The following CUL2 variants were observed in gnomAD, a reference collection of about 807,000 sequenced individuals.
CUL2 encodes cullin 2, also known as cullin-2.
CUL2 carries 22 observed loss-of-function variants against 110.2 expected under a neutral mutation model. The observed-to-expected ratio is 0.20, with a 90% confidence interval of 0.14 to 0.28. CUL2 has a LOEUF of 0.28. Ranked by LOEUF, CUL2 falls within the 10% of genes least tolerant of loss-of-function variation. The pLI, the probability that CUL2 is intolerant of heterozygous loss-of-function variation, is 1.00. For missense variants in CUL2, 631 were observed against 905.5 expected (o/e 0.70, Z 3.89); for synonymous variants, 279 against 293.2 (o/e 0.95, Z 0.49).
rs2085478359 is a variant in CUL2, at chr10:35,031,467, G to A, written c.1299+24C>T. 1 of 1,604,056 alleles carries A rather than the reference G, an allele frequency of 6.2e-7. No homozygotes were observed. Among genetic ancestry groups the A allele is most frequent in the South Asian group, 1.1e-5 (1 of 89,688 alleles). On this transcript the variant is annotated intron_variant, in intron 13 of 20. Coordinates refer to ENST00000374749, the MANE Select transcript of CUL2 (RefSeq NM_003591.4). This position sits in a 1 kb window ranked among gnomAD's most constrained non-coding sequence, Gnocchi z 4.4. ...AAATAAAGTTGACCAAAATACAAATGAAACTTTTCTGTTCACAACATACCT... is the reference window on the plus strand; with the variant it reads ...AAATAAAGTTGACCAAAATACAAATAAAACTTTTCTGTTCACAACATACCT...
chr10:35,036,748 T>C (rs2134749759), intron 9 of CUL2, among the ~76,000 whole-genome samples: 1 of 152,308 alleles, frequency 6.6e-6, no homozygotes, highest in Non-Finnish European at 1.5e-5. Context: ...TAATGGCTTT[T>C]TTTGAGACAG....
chr10:35,117,242 G>A (rs564833710), intron 1 of CUL2, among the ~76,000 whole-genome samples: 40 of 152,272 alleles, frequency 2.6e-4, no homozygotes, highest in African/African-American at 9.4e-4. Context: ...AATTCACGAA[G>A]GCTGGTGTGG....
intron 16 of CUL2, among the ~76,000 whole-genome samples, chr10:35,027,446 T>C (rs896016718): frequency 1.3e-5 from 2 of 152,132 alleles, no homozygotes; most frequent in African/African-American, 4.8e-5. Flanking sequence ...GCCCGGCAAC[T>C]TTAGATACTT....
upstream of CUL2, among the ~76,000 whole-genome samples, chr10:35,091,084 GC>G (rs1248449253): frequency 6.6e-6 from 1 of 152,070 alleles, no homozygotes; most frequent in Admixed American, 6.6e-5. Flanking sequence ...CCTTCACCAA[GC>G]CCCAAGCCTA....
At chr10:35,032,753 G>T (rs1210652004) in intron 11 of CUL2, among the ~76,000 whole-genome samples, 1 of 151,448 alleles carries the variant, frequency 6.6e-6, no homozygotes, top group Non-Finnish European at 1.5e-5. Flanking sequence ...ATAAAATAAC[G>T]TTACTTAAAA....
intron 2 of CUL2, among the ~76,000 whole-genome samples, chr10:35,070,223 C>A (rs1184551832): frequency 5.3e-5 from 8 of 152,136 alleles, no homozygotes; most frequent in Admixed American, 5.2e-4. Flanking sequence ...TTGAAGCCTT[C>A]CAAAATGTCA....
chr10:35,021,854 GGTGAGGTGGGGTGGGGTGA>G, intron 17 of CUL2, among the ~76,000 whole-genome samples: 3 of 135,580 alleles, frequency 2.2e-5, no homozygotes, highest in Admixed American at 7.6e-5. Context: ...GGTGAGGTGA[GGTGAGGTGGGGTGGGGTGA>G]GGTGGGGTGA....
intron 1 of CUL2, among the ~76,000 whole-genome samples, chr10:35,080,481 T>TTTATTTA (rs1564744669): frequency 8.0e-6 from 1 of 125,034 alleles, no homozygotes; most frequent in African/African-American, 3.3e-5. Context: ...TTATTTATTT[T>TTTATTTA]TGAGACAGGG....
upstream of CUL2, chr10:35,126,651 G>A (rs914767464): frequency 2.0e-5 from 3 of 152,576 alleles, no homozygotes; most frequent in African/African-American, 7.2e-5. Context: ...TGGCTGACAA[G>A]TCATTGGATT....
rs1475023905 is a variant in CUL2, at chr10:35,031,569, T to C, written c.1221A>G (p.Thr407=). Residue 407 remains threonine, a synonymous_variant, in exon 13 of 21, where the codon ACA becomes ACG. Coordinates refer to ENST00000374749, the MANE Select transcript of CUL2 (RefSeq NM_003591.4). This position sits in a 1 kb window ranked among gnomAD's most constrained non-coding sequence, Gnocchi z 4.4. ...NLLKKSAKGM[T]ENEVEDRLTS... is the part of the protein sequence containing the mutation. ...TGAGCCTGTCTTCCACTTCATTCTC[T>C]GTCATCCCTTTCGCTGACTTCTTCA... 1 of 1,614,012 alleles carries C rather than the reference T, an allele frequency of 6.2e-7. No homozygotes were observed. The highest frequency in any genetic ancestry group is 2.2e-5 in the East Asian group (1 of 44,898).
At chr10:35,060,062 C>T (rs915450459) in intron 4 of CUL2, among the ~76,000 whole-genome samples, 1 of 152,114 alleles carries the variant, frequency 6.6e-6, no homozygotes, top group Non-Finnish European at 1.5e-5. Context: ...GAGTTCAAGA[C>T]CATCCTGGGC....
chr10:35,024,110 CA>C (rs1468466519), intron 17 of CUL2, among the ~76,000 whole-genome samples: 13 of 152,280 alleles, frequency 8.5e-5, no homozygotes, highest in African/African-American at 2.9e-4. Flanking sequence ...GCTGGGGTTA[CA>C]GGTGTGAGCC....
At position 35,044,774 on chromosome 10, in the gene CUL2, T is replaced by C; in HGVS notation, c.601A>G (p.Lys201Glu). ...TGTTTTTAAAGGAGGCTGTTTACCT[T>C]TAAGGGGAATTTTTTCTTATACTGT... is the stretch of plus-strand genomic sequence containing the variant. ...VEQYKKKFPL[K>E]FYQEIFESPF... The change falls in exon 7 of 21, where the codon AAG (lysine) becomes GAG (glutamate). Residue 201 changes from lysine (K) to glutamate (E), a missense_variant and splice_region_variant. Lys to Glu is a moderately conservative substitution (Grantham distance 56, BLOSUM62 1). Around this residue, in one of 3 missense-constraint regions of CUL2, gnomAD observed 338 missense variants for 442.5 expected, o/e 0.76. Coordinates refer to ENST00000374749, the MANE Select transcript of CUL2 (RefSeq NM_003591.4). 6.2e-7 allele frequency: 1 copy of C among 1,608,736 alleles called. No homozygotes were observed.
intron 16 of CUL2, among the ~76,000 whole-genome samples, chr10:35,026,010 C>G (rs2085328588): frequency 6.6e-6 from 1 of 152,196 alleles, no homozygotes; most frequent in South Asian, 2.1e-4. Flanking sequence ...TCACATAAAG[C>G]AGTCAGCAAT....
At chr10:35,069,139 T>C (rs1164661223) in intron 2 of CUL2, among the ~76,000 whole-genome samples, 1 of 152,138 alleles carries the variant, frequency 6.6e-6, no homozygotes. Flanking sequence ...ACTGCTTGAA[T>C]TGTAGGCGTG....
chr10:35,054,387 G>T, intron 5 of CUL2, 47 bp downstream of exon 5: 1 of 1,024,982 alleles, frequency 9.8e-7, no homozygotes, highest in Non-Finnish European at 1.5e-6. Flanking sequence ...TTACCTCAGT[G>T]TATAAAAACA....
rs1328815422 is a variant in CUL2 at position 35,008,594 on chromosome 10, G to A, written c.*1717C>T. On this transcript the variant is annotated 3_prime_UTR_variant, in exon 21 of 21. Transcript: ENST00000374749. The stretch of plus-strand genomic sequence containing the variant: ...ATCAATCAACAAGTTATCAAAACAA[G>A]GGTTTGCTTTTTGACAGTGAATGTA... 1 of 152,150 alleles carries A rather than the reference G, an allele frequency of 6.6e-6. No individual in the cohort carries two copies. The highest frequency in any genetic ancestry group is 1.5e-5 in the Non-Finnish European group (1 of 68,020). 9.4% of individuals were successfully genotyped at this position (152,150 alleles called of 1,614,324 possible).
At chr10:35,114,558 T>G (rs1490027335) in intron 1 of CUL2, among the ~76,000 whole-genome samples, 1 of 151,600 alleles carries the variant, frequency 6.6e-6, no homozygotes, top group African/African-American at 2.4e-5. Context: ...AATTTTTGTA[T>G]TTTTAGTAGA....
At chr10:35,086,047 A>G (rs948305479) in intron 1 of CUL2, among the ~76,000 whole-genome samples, 2 of 152,108 alleles carry the variant, frequency 1.3e-5, no homozygotes, top group African/African-American at 2.4e-5. Context: ...CAGCCTGGCC[A>G]ACATAGTGAA....
Sources: allele counts gnomAD v4.1 joint callset (sites outside exome capture counted in the v4.1 genomes callset), GRCh38; gene constraint gnomAD v4.1.1; regional missense constraint gnomAD v4.1.1; non-coding constraint Gnocchi (gnomAD v3.1); transcripts MANE v1.5; gene names NCBI Gene and HGNC (gene_info 2026-07-23, HGNC 2026-07-21).